Variants in ASTN2 observed in about 807,000 individuals in gnomAD.
ASTN2 encodes astrotactin-2.
A neutral mutation model predicts 139.8 loss-of-function variants in ASTN2; 54 were observed. The observed-to-expected ratio is 0.39, with a 90% CI of 0.31 to 0.48. The LOEUF is 0.48. Among genes scored for constraint, ASTN2 ranks in the 20% least tolerant of loss-of-function variants. ASTN2 has a pLI of 0.95. For missense variants in ASTN2, 1,565 were observed against 1,725.1 expected, an observed-to-expected ratio of 0.91 and a Z score of 1.64; for synonymous variants, 756 against 719.5, an observed-to-expected ratio of 1.05 and a Z score of -0.81.
At chr9:116,760,118 T>C (rs1564252097) in intron 13 of ASTN2, among the ~76,000 whole-genome samples, 1 of 152,208 alleles carries the variant, frequency 6.6e-6, no homozygotes. Flanking sequence ...GCAAAGCACA[T>C]GTGCACATAC....
At chr9:117,241,085 G>A (rs1833191653) in intron 2 of ASTN2, among the ~76,000 whole-genome samples, 1 of 152,120 alleles carries the variant, frequency 6.6e-6, no homozygotes, top group Non-Finnish European at 1.5e-5. Context: ...CCAAGCCTAA[G>A]GCCATTCAAA....
chr9:117,343,028 CT>C (rs1829108251), intron 1 of ASTN2, among the ~76,000 whole-genome samples: 1 of 152,198 alleles, frequency 6.6e-6, no homozygotes, highest in Admixed American at 6.5e-5. Flanking sequence ...TAGTTCCCCC[CT>C]CACTGCATCT....
Position 116,823,295 on chromosome 9 carries a change from C to G in ASTN2, c.2041-2512G>C, listed in dbSNP as rs73523378. Among the ~76,000 whole-genome samples, 858 of 152,330 alleles carry G rather than the reference C, an allele frequency of 5.6e-3. 5 individuals are homozygous for G. The highest frequency in any genetic ancestry group is 0.019 in the African/African-American group (790 of 41,578). ...TTTGGTGGTGACAGAGGCAGAGCTT[C>G]TCAGGCTTCCCAACTTTGTTGCTAT... On this transcript the variant is annotated intron_variant, in intron 11 of 22. Coordinates refer to ENST00000313400, the MANE Select transcript of ASTN2 (RefSeq NM_001365068.1).
intron 10 of ASTN2, among the ~76,000 whole-genome samples, chr9:116,883,114 G>C (rs965112509): frequency 2.4e-4 from 37 of 152,196 alleles, no homozygotes; most frequent in African/African-American, 8.2e-4. Flanking sequence ...GTTTATAATG[G>C]GGCAAAATGA....
intron 2 of ASTN2, among the ~76,000 whole-genome samples, chr9:117,231,005 C>T (rs1162508585): frequency 6.6e-6 from 1 of 152,158 alleles, no homozygotes; most frequent in Non-Finnish European, 1.5e-5. Context: ...ATTAAAAATA[C>T]ATATTTCTGG....
At chr9:116,731,376 TA>T (rs367895765) in intron 14 of ASTN2, among the ~76,000 whole-genome samples, 3 of 151,078 alleles carry the variant, frequency 2.0e-5, no homozygotes, top group Admixed American at 6.6e-5. Flanking sequence ...ATTAGAATCC[TA>T]AAAAAAAATT....
At chr9:117,206,444 C>G (rs1169711364) in intron 3 of ASTN2, among the ~76,000 whole-genome samples, 5 of 152,170 alleles carry the variant, frequency 3.3e-5, no homozygotes, top group Non-Finnish European at 7.3e-5. Flanking sequence ...TACAGCTGCA[C>G]TGTCCTGGAT....
At chr9:116,597,592 G>C (rs941649754) in intron 19 of ASTN2, among the ~76,000 whole-genome samples, 2 of 151,846 alleles carry the variant, frequency 1.3e-5, no homozygotes, top group African/African-American at 4.8e-5. Context: ...GCCTGGCCTT[G>C]ATCTATTAAT....
intron 22 of ASTN2, among the ~76,000 whole-genome samples, chr9:116,428,435 A>G (rs1847379743): frequency 1.3e-5 from 2 of 152,046 alleles, no homozygotes; most frequent in African/African-American, 4.8e-5. Flanking sequence ...GAGGCAGGAG[A>G]ATCATTTGAA....
At chr9:116,449,000 G>A (rs974662133) in intron 20 of ASTN2, among the ~76,000 whole-genome samples, 1 of 152,194 alleles carries the variant, frequency 6.6e-6, no homozygotes, top group African/African-American at 2.4e-5. Context: ...GCAGAGGTTA[G>A]AATAGACACT....
chr9:117,305,560 A>T (rs1834978213), intron 1 of ASTN2, among the ~76,000 whole-genome samples: 1 of 152,188 alleles, frequency 6.6e-6, no homozygotes, highest in African/African-American at 2.4e-5. Context: ...AACTTCTCAA[A>T]ATCTCACTTT....
chr9:116,766,198 CA>C (rs1003861925), intron 13 of ASTN2, among the ~76,000 whole-genome samples: 86 of 152,100 alleles, frequency 5.7e-4, no homozygotes, highest in African/African-American at 1.8e-3. Flanking sequence ...CGACAACCCC[CA>C]CTGGGCCAAA....
intron 1 of ASTN2, among the ~76,000 whole-genome samples, chr9:117,386,968 C>T (rs141686341): frequency 6.6e-6 from 1 of 152,280 alleles, no homozygotes; most frequent in African/African-American, 2.4e-5. Context: ...GGTTAGGGGC[C>T]AGTCCTGCCA....
At chr9:116,663,234 T>C (rs1398518098) in intron 16 of ASTN2, among the ~76,000 whole-genome samples, 5 of 152,286 alleles carry the variant, frequency 3.3e-5, no homozygotes, top group South Asian at 4.2e-4. Context: ...GACTCCCAGA[T>C]TGTCCCACTT....
At chr9:116,968,668 G>C (rs555370943) in intron 10 of ASTN2, among the ~76,000 whole-genome samples, 1 of 152,200 alleles carries the variant, frequency 6.6e-6, no homozygotes, top group South Asian at 2.1e-4. Context: ...GAAGGCCGAG[G>C]TGGGCAGATC....
At chr9:116,514,264 C>T (rs1300769461) in intron 19 of ASTN2, among the ~76,000 whole-genome samples, 1 of 146,952 alleles carries the variant, frequency 6.8e-6, no homozygotes, top group Non-Finnish European at 1.5e-5. Flanking sequence ...GCTGGAGGTC[C>T]ACTCCAGACC....
intron 5 of ASTN2, among the ~76,000 whole-genome samples, chr9:117,044,182 T>C (rs1010025813): frequency 6.6e-6 from 1 of 152,152 alleles, no homozygotes; most frequent in African/African-American, 2.4e-5. Flanking sequence ...CATCTATTTG[T>C]CCAACACATT....
intron 3 of ASTN2, among the ~76,000 whole-genome samples, chr9:117,151,799 T>A (rs1384210206): frequency 6.6e-6 from 1 of 152,168 alleles, no homozygotes; most frequent in Non-Finnish European, 1.5e-5. Context: ...AGAGAATTCA[T>A]CTTCAAGCTA....
At chr9:116,524,494 G>T (rs1231755364) in intron 19 of ASTN2, among the ~76,000 whole-genome samples, 1 of 152,160 alleles carries the variant, frequency 6.6e-6, no homozygotes, top group Admixed American at 6.5e-5. Context: ...TGGTGTAATG[G>T]AAAGAGCTCT....
Sources: allele counts gnomAD v4.1 joint callset (sites outside exome capture counted in the v4.1 genomes callset), GRCh38; gene constraint gnomAD v4.1.1; transcripts MANE v1.5; gene names NCBI Gene and HGNC (gene_info 2026-07-23, HGNC 2026-07-21).